PKD2: variants seen among roughly 807,000 people sequenced by gnomAD.
The protein encoded by PKD2 is polycystin-2.
Under a neutral mutation model 105.9 loss-of-function variants are expected in PKD2, and 48 were observed. The ratio of observed to expected loss-of-function variants is 0.45; its 90% CI spans 0.36 to 0.58. PKD2 has a LOEUF of 0.58. PKD2 is among the 20% of genes least tolerant of loss of function. PKD2 has a pLI of 0.00. For synonymous variants in PKD2, 464 were observed against 481.1 expected, an observed-to-expected ratio of 0.96 and a Z score of 0.46; for missense variants, 1,078 against 1,255.3, an observed-to-expected ratio of 0.86 and a Z score of 2.13.
intron 13 of PKD2, among the ~76,000 whole-genome samples, chr4:88,071,716 G>C (rs543465538): frequency 2.6e-5 from 4 of 152,160 alleles, no homozygotes; most frequent in Admixed American, 1.3e-4. Context: ...GTCTGCCTCT[G>C]ACTTTATTCC....
At chr4:88,041,926 C>G (rs532724851) in intron 4 of PKD2, among the ~76,000 whole-genome samples, 1 of 152,336 alleles carries the variant, frequency 6.6e-6, no homozygotes, top group East Asian at 1.9e-4. Context: ...TTCCTCCCCA[C>G]TCCAGTCTTC....
intron 13 of PKD2, among the ~76,000 whole-genome samples, chr4:88,071,974 T>C (rs1721052177): frequency 6.8e-6 from 1 of 146,070 alleles, no homozygotes; most frequent in Non-Finnish European, 1.5e-5. Flanking sequence ...TAGAGGCCAG[T>C]CTTTTTTTTT....
At chr4:88,010,300 T>C (rs1300899101) in intron 1 of PKD2, among the ~76,000 whole-genome samples, 1 of 152,200 alleles carries the variant, frequency 6.6e-6, no homozygotes, top group African/African-American at 2.4e-5. Context: ...TAAATTGTTA[T>C]TCCTTTCTTT....
At chr4:88,070,561 T>G (rs1172519584) in intron 13 of PKD2, among the ~76,000 whole-genome samples, 2 of 139,476 alleles carry the variant, frequency 1.4e-5, no homozygotes, top group Admixed American at 1.5e-4. Flanking sequence ...ATTTATTTAT[T>G]TATTTATTTA....
chr4:88,057,179 G>T (rs936672453), intron 8 of PKD2, among the ~76,000 whole-genome samples: 1 of 151,702 alleles, frequency 6.6e-6, no homozygotes. Flanking sequence ...TTTATGAGAA[G>T]GGATCTCACT....
chr4:88,057,889 G>T, intron 8 of PKD2, 94 bp from the exon 9 acceptor site: 1 of 1,004,020 alleles, frequency 1.0e-6, no homozygotes, highest in Non-Finnish European at 1.6e-6. Context: ...CTGCTAAAAG[G>T]TCCAAAAATA....
At chr4:88,065,310 A>T in intron 10 of PKD2, 64 bp from the exon 11 acceptor site, 1 of 1,483,642 alleles carries the variant, frequency 6.7e-7, no homozygotes, top group Non-Finnish European at 9.4e-7. Context: ...GTGAATGGAA[A>T]GTAAAACAGA....
chr4:88,037,608 C>T (rs1328025420), intron 3 of PKD2, among the ~76,000 whole-genome samples: 2 of 152,156 alleles, frequency 1.3e-5, no homozygotes, highest in African/African-American at 2.4e-5. Flanking sequence ...AATCTTTCAC[C>T]ATCTGAGTAG....
chr4:88,075,055 G>C (rs1339813365), intron 14 of PKD2, 96 bp downstream of exon 14: 2 of 1,372,856 alleles, frequency 1.5e-6, no homozygotes, highest in Non-Finnish European at 2.0e-6. Flanking sequence ...TTGAAGAAGA[G>C]TAAAAAAAAT....
In PKD2 at chr4:88,008,008, C is replaced by T. The variant is rs1483943519; in HGVS notation, c.275C>T (p.Pro92Leu). Reference protein sequence around the residue: ...CSRQAWSRDNPGFEAEEEEEE... With the variant: ...CSRQAWSRDNLGFEAEEEEEE... Reference sequence around the variant, plus strand: ...CGGCAGGCGTGGAGCCGCGATAACCCCGGCTTCGAGGCCGAGGAGGAGGAG... The same window carrying T: ...CGGCAGGCGTGGAGCCGCGATAACCTCGGCTTCGAGGCCGAGGAGGAGGAG... Residue 92 changes from proline (P) to leucine (L), a missense_variant, in exon 1 of 15, where the codon CCC becomes CTC. Around this residue, in one of 2 missense-constraint regions of PKD2, gnomAD observed 210 missense variants for 187.9 expected, o/e 1.12. Transcript: ENST00000237596. 4 of 1,519,136 alleles carry T rather than the reference C, an allele frequency of 2.6e-6. No homozygotes were observed. Among genetic ancestry groups the T allele is most frequent in the South Asian group, 2.4e-5 (2 of 82,248 alleles). 94.1% of individuals were successfully genotyped at this position (1,519,136 alleles called of 1,614,324 possible).
At chr4:88,073,614 T>TG (rs1316273053) in intron 13 of PKD2, among the ~76,000 whole-genome samples, 1 of 151,856 alleles carries the variant, frequency 6.6e-6, no homozygotes, top group Non-Finnish European at 1.5e-5. Flanking sequence ...GACTGGAAGT[T>TG]GGGGGAGGAG....
chr4:88,054,021 G>C (rs373688738), intron 7 of PKD2, among the ~76,000 whole-genome samples: 21 of 152,110 alleles, frequency 1.4e-4, no homozygotes, highest in African/African-American at 5.1e-4. Flanking sequence ...TGAAAGGATG[G>C]CAGGTGCTGC....
chr4:88,007,934 C>A lies in PKD2; in HGVS notation c.201C>A (p.Pro67=). 6.8e-7 allele frequency: 1 copy of A among 1,461,172 alleles called. No individual in the cohort carries two copies. The allele number at this position is 1,461,172 out of a possible 1,614,324, so 90.5% of individuals were successfully genotyped here. A position where few individuals can be genotyped will look rare whatever the true frequency, so the allele number is the denominator to read the frequency against. Reference sequence around the variant, plus strand: ...TCCGGCAGGCGGCCGCGCGGGACCCCCCGGCCGGAGCCGCGGCCTCCCCTT... The same window carrying A: ...TCCGGCAGGCGGCCGCGCGGGACCCACCGGCCGGAGCCGCGGCCTCCCCTT... ...QRIRQAAARD[P]PAGAAASPSP... Residue 67 remains proline, a synonymous_variant, in exon 1 of 15, where the codon CCC becomes CCA. Coordinates refer to ENST00000237596, the MANE Select transcript of PKD2 (RefSeq NM_000297.4).
intron 6 of PKD2, among the ~76,000 whole-genome samples, chr4:88,050,593 TA>T (rs1720038533): frequency 6.6e-6 from 1 of 152,164 alleles, no homozygotes; most frequent in African/African-American, 2.4e-5. Flanking sequence ...CTGTGCAGAG[TA>T]AAAACAACTG....
rs1216257816 is a variant in PKD2 at position 88,074,947 on chromosome 4, T to C, written c.2658T>C (p.Asp886=). Residue 886 remains aspartate, a synonymous_variant, in exon 14 of 15, where the codon GAT becomes GAC. Transcript: ENST00000237596. Reference sequence around the variant, plus strand: ...GGGAGGTGCTGGGAAGGCTGTTGGATGGGGTGGCCGAGGTCAGTAGTCATG... The same window carrying C: ...GGGAGGTGCTGGGAAGGCTGTTGGACGGGGTGGCCGAGGTCAGTAGTCATG... ...KRREVLGRLL[D]GVAEDERLGR... 3.1e-6 allele frequency: 5 copies of C among 1,614,124 alleles called. No individual in the cohort carries two copies. The South Asian group carries it at 4.4e-5, about 14-fold the overall frequency.
At chr4:88,070,571 ATT>A (rs202207351) in intron 13 of PKD2, among the ~76,000 whole-genome samples, 1,346 of 116,632 alleles carry the variant, frequency 0.012, 9 homozygotes, top group Non-Finnish European at 0.018. Context: ...TTATTTATTT[ATT>A]TTATATATAT....
At chr4:88,045,479 A>G (rs1430685858) in intron 5 of PKD2, among the ~76,000 whole-genome samples, 2 of 152,238 alleles carry the variant, frequency 1.3e-5, no homozygotes, top group African/African-American at 4.8e-5. Flanking sequence ...CTGTATGCTC[A>G]GGTTCCAGGT....
At chr4:88,035,876 A>C (rs1727313092) in intron 2 of PKD2, among the ~76,000 whole-genome samples, 1 of 152,184 alleles carries the variant, frequency 6.6e-6, no homozygotes, top group East Asian at 1.9e-4. Context: ...CCTCACTGGC[A>C]GGGAGGATCT....
intron 7 of PKD2, among the ~76,000 whole-genome samples, chr4:88,053,673 T>C (rs544069746): frequency 6.9e-6 from 1 of 144,954 alleles, no homozygotes; most frequent in Non-Finnish European, 1.5e-5. Context: ...AAAAAAAAAA[T>C]GCATAGACTT....
Sources: gnomAD v4.1 joint callset for allele counts (sites outside exome capture counted in the v4.1 genomes callset) on GRCh38, gnomAD v4.1.1 for gene constraint, gnomAD v4.1.1 regional missense constraint, MANE v1.5 for transcripts, NCBI Gene and HGNC (gene_info 2026-07-23, HGNC 2026-07-21) for gene names.